The following ZNF721 variants were observed in gnomAD, a reference collection of about 807,000 sequenced individuals.
ZNF721 encodes the protein zinc finger protein 721.
In ZNF721, 2 loss-of-function variants were observed where a neutral mutation model predicts 2.4. That is an observed-to-expected ratio of 0.82 (90% CI 0.34 to 2.58). The LOEUF (loss-of-function observed/expected upper bound fraction) is 2.58, where lower values mean the gene tolerates loss of function less well. Among genes scored for constraint, ZNF721 ranks in the 30% most tolerant of loss-of-function variants. The pLI, the probability that ZNF721 is intolerant of heterozygous loss-of-function variation, is 0.11. For synonymous variants in ZNF721, 398 were observed against 381.8 expected, an observed-to-expected ratio of 1.04 and a Z score of -0.50; for missense variants, 1,187 against 1,085.5, an observed-to-expected ratio of 1.09 and a Z score of -1.31.
At chr4:467,037 T>G (rs1008934728) in intron 2 of ZNF721, among the ~76,000 whole-genome samples, 6 of 151,810 alleles carry the variant, frequency 4.0e-5, no homozygotes, top group African/African-American at 1.5e-4. Context: ...GCTAACACGG[T>G]GAAACCCCGT....
chr4:474,525 G>T (rs1553868309), intron 1 of ZNF721, among the ~76,000 whole-genome samples: 1 of 152,052 alleles, frequency 6.6e-6, no homozygotes, highest in Non-Finnish European at 1.5e-5. Context: ...AACCTTTCTG[G>T]CCTGTGGTGT....
intron 1 of ZNF721, among the ~76,000 whole-genome samples, chr4:488,456 G>T (rs782308997): frequency 3.3e-5 from 5 of 152,146 alleles, no homozygotes; most frequent in Non-Finnish European, 7.4e-5. Flanking sequence ...AACTCTGGAG[G>T]GCAAGGCTGT....
chr4:456,676 C>G (rs557172392), intron 2 of ZNF721, among the ~76,000 whole-genome samples: 32 of 152,226 alleles, frequency 2.1e-4, no homozygotes, highest in Admixed American at 1.6e-3. Context: ...GTCAAGAGAT[C>G]GAGACCATTC....
At chr4:479,266 G>A (rs1212044196) in intron 1 of ZNF721, among the ~76,000 whole-genome samples, 1 of 152,070 alleles carries the variant, frequency 6.6e-6, no homozygotes, top group Non-Finnish European at 1.5e-5. Flanking sequence ...GGGGATGGTG[G>A]AAACCATTGG....
intron 1 of ZNF721, among the ~76,000 whole-genome samples, chr4:479,532 C>G (rs1453007785): frequency 6.6e-6 from 1 of 152,196 alleles, no homozygotes; most frequent in Non-Finnish European, 1.5e-5. Context: ...TCCTGGAGAA[C>G]AGGACGTTCA....
chr4:443,814 T>C lies in ZNF721; in HGVS notation c.653A>G (p.Asp218Gly), dbSNP rs782155360. 2.5e-6 allele frequency: 4 copies of C among 1,613,894 alleles called. No individual in the cohort carries two copies. The highest frequency in any genetic ancestry group is 4.5e-5 in the East Asian group (2 of 44,888). ...LNEYKKIHTG[D>G]KPYKCKECGK... is the part of the protein sequence containing the mutation. ...ACATTCTTTACATTTGTAGGGTTTA[T>C]CTCCAGTATGAATTTTCTTATATTC... Residue 218 changes from aspartate (D) to glycine (G), a missense_variant, in exon 3 of 3, where the codon GAT (aspartate) becomes GGT (glycine). Coordinates refer to ENST00000511833, the MANE Select transcript of ZNF721 (RefSeq NM_133474.4).
chr4:470,543 A>G (rs543998114), intron 2 of ZNF721, among the ~76,000 whole-genome samples: 33 of 152,236 alleles, frequency 2.2e-4, no homozygotes, highest in African/African-American at 7.5e-4. Flanking sequence ...GAGAAACCCC[A>G]TCTCTACTAA....
At chr4:483,212 A>G (rs116658708) in intron 1 of ZNF721, among the ~76,000 whole-genome samples, 6,619 of 152,290 alleles carry the variant, frequency 0.043, 205 homozygotes, top group African/African-American at 0.088. Context: ...TAAGTTAAAA[A>G]TATTCTCTAA....
chr4:484,872 C>A (rs1217773080), intron 1 of ZNF721, among the ~76,000 whole-genome samples: 3 of 152,176 alleles, frequency 2.0e-5, no homozygotes, highest in Non-Finnish European at 2.9e-5. Flanking sequence ...GTCACCCACA[C>A]CTATTCGCAC....
At chr4:480,715 T>C (rs902660020) in intron 1 of ZNF721, among the ~76,000 whole-genome samples, 10 of 151,936 alleles carry the variant, frequency 6.6e-5, no homozygotes, top group African/African-American at 2.4e-4. Context: ...CTGTAGCATG[T>C]GCATAATTTG....
chr4:478,343 TG>T (rs1715688644), intron 1 of ZNF721, among the ~76,000 whole-genome samples: 1 of 152,196 alleles, frequency 6.6e-6, no homozygotes, highest in South Asian at 2.1e-4. Flanking sequence ...GCTGTTACTT[TG>T]TTTTTTTTGC....
chr4:448,834 T>C (rs1213452687), intron 2 of ZNF721, among the ~76,000 whole-genome samples: 2 of 152,330 alleles, frequency 1.3e-5, no homozygotes, highest in African/African-American at 2.4e-5. Context: ...GCATTGTTAC[T>C]GAAAGCAAAT....
intron 1 of ZNF721, among the ~76,000 whole-genome samples, chr4:477,271 T>TTG (rs1341805620): frequency 6.8e-6 from 1 of 146,942 alleles, no homozygotes; most frequent in African/African-American, 2.5e-5. Flanking sequence ...TTTTTTTTTT[T>TTG]TTTTTTGGAG....
intron 2 of ZNF721, among the ~76,000 whole-genome samples, chr4:467,933 A>G (rs911732004): frequency 3.3e-5 from 5 of 150,982 alleles, no homozygotes; most frequent in Non-Finnish European, 7.4e-5. Context: ...TCAGGAGATC[A>G]AGACCAGCCT....
intron 2 of ZNF721, among the ~76,000 whole-genome samples, chr4:455,980 G>A (rs34696247): frequency 0.14 from 20,530 of 151,784 alleles, 2,089 homozygotes; most frequent in African/African-American, 0.29. Flanking sequence ...ACAATAAATA[G>A]GTGGTAATAT....
chr4:472,764 G>A lies in ZNF721; in HGVS notation c.-93-63C>T, dbSNP rs1170720615. 2.5e-6 allele frequency: 4 copies of A among 1,597,926 alleles called. No individual in the cohort carries two copies. The East Asian group carries it at 8.9e-5, about 36-fold the overall frequency. ...TTTGACTACAGGTGAAATGTGTTAA[G>A]AGAACCAGTTCTGACATGTGACTGA... is the stretch of plus-strand genomic sequence containing the variant. On this transcript the variant is annotated intron_variant, in intron 1 of 2. Coordinates refer to ENST00000511833, the MANE Select transcript of ZNF721 (RefSeq NM_133474.4).
chr4:478,517 C>A (rs775833351), intron 1 of ZNF721, among the ~76,000 whole-genome samples: 1,647 of 152,256 alleles, frequency 0.011, 24 homozygotes, highest in African/African-American at 0.037. Context: ...TGAGTCATCA[C>A]ACCTAGCCCT....
At chr4:468,510 T>C (rs1485893011) in intron 2 of ZNF721, among the ~76,000 whole-genome samples, 2 of 152,120 alleles carry the variant, frequency 1.3e-5, no homozygotes, top group East Asian at 3.9e-4. Context: ...TGGGCCATCA[T>C]ATGCAGACAA....
chr4:455,361 C>T (rs1475550396), intron 2 of ZNF721, among the ~76,000 whole-genome samples: 3 of 151,958 alleles, frequency 2.0e-5, no homozygotes, highest in Non-Finnish European at 4.4e-5. Flanking sequence ...TGAGGTCAAG[C>T]GATCGAGACC....
Sources: gnomAD v4.1 joint callset for allele counts (sites outside exome capture counted in the v4.1 genomes callset) on GRCh38, gnomAD v4.1.1 for gene constraint, MANE v1.5 for transcripts, NCBI Gene and HGNC (gene_info 2026-07-23, HGNC 2026-07-21) for gene names.